The following KLHL13 variants were observed in gnomAD, a reference collection of about 807,000 sequenced individuals.
The protein encoded by KLHL13 is kelch like family member 13.
KLHL13 carries 10 observed loss-of-function variants against 37.1 expected under a neutral mutation model. That is an observed-to-expected ratio of 0.27 (90% CI 0.17 to 0.46). KLHL13 has a LOEUF of 0.46. KLHL13 is among the 20% of genes least tolerant of loss of function. The pLI, the probability that KLHL13 is intolerant of heterozygous loss-of-function variation, is 1.00. For missense variants in KLHL13, 360 were observed against 509.3 expected (o/e 0.71, Z 2.82); for synonymous variants, 163 against 181.2 (o/e 0.90, Z 0.81).
chrX:118,074,275 G>GA (rs760417001), intron 1 of KLHL13, among the ~76,000 whole-genome samples: 14 of 111,882 alleles, frequency 1.3e-4, no homozygotes, highest in African/African-American at 4.2e-4. Context: ...TGTAGGTTGA[G>GA]AAAAAACTGG....
chrX:117,945,528 C>T, exon 2 of KLHL13: 4 of 1,209,367 alleles, frequency 3.3e-6, no homozygotes, highest in Non-Finnish European at 4.5e-6. Flanking sequence ...CATTTCGCTG[C>T]CTCCAAGGGA....
intron 1 of KLHL13, among the ~76,000 whole-genome samples, chrX:117,963,681 C>T (rs1036323676): frequency 5.2e-5 from 5 of 95,752 alleles, no homozygotes; most frequent in Non-Finnish European, 1.0e-4. Context: ...TACAGTCCCA[C>T]CAACAGTGTA....
At chrX:118,079,447 G>T (rs2054965560) in intron 1 of KLHL13, among the ~76,000 whole-genome samples, 1 of 110,783 alleles carries the variant, frequency 9.0e-6, no homozygotes. Context: ...GCAAGATTTT[G>T]GGATACAAAA....
intron 1 of KLHL13, among the ~76,000 whole-genome samples, chrX:117,991,631 C>T (rs1326592745): frequency 9.0e-6 from 1 of 110,628 alleles, no homozygotes; most frequent in African/African-American, 3.3e-5. Context: ...CCCAGATTTG[C>T]ACACAACTAA....
chrX:117,909,576 T>G, exon 5 of KLHL13: 1 of 1,211,888 alleles, frequency 8.3e-7, no homozygotes, highest in Non-Finnish European at 1.1e-6. Context: ...ATGGGCCTTT[T>G]CATCATACAT....
At chrX:118,020,793 C>T (rs1189100745) in intron 1 of KLHL13, among the ~76,000 whole-genome samples, 2 of 109,856 alleles carry the variant, frequency 1.8e-5, no homozygotes, top group Admixed American at 9.7e-5. Flanking sequence ...ACATATACAC[C>T]ATGGAATACT....
intron 1 of KLHL13, among the ~76,000 whole-genome samples, chrX:117,982,430 T>A (rs1298794128): frequency 9.0e-6 from 1 of 111,235 alleles, no homozygotes; most frequent in East Asian, 2.8e-4. Flanking sequence ...CAGATGTACA[T>A]CCAGCAATGT....
intron 2 of KLHL13, among the ~76,000 whole-genome samples, chrX:117,944,640 C>T (rs1183443622): frequency 1.8e-5 from 2 of 111,106 alleles, no homozygotes; most frequent in African/African-American, 6.5e-5. Flanking sequence ...GGCAAATTTT[C>T]CTTATCTTAT....
At chrX:118,076,429 ACCT>A (rs1376082972) in intron 1 of KLHL13, among the ~76,000 whole-genome samples, 2 of 111,348 alleles carry the variant, frequency 1.8e-5, no homozygotes, top group East Asian at 5.6e-4. Flanking sequence ...ATTTAGTTAG[ACCT>A]TTCCAGGAAT....
chrX:118,030,788 C>T (rs1169263301), intron 1 of KLHL13, among the ~76,000 whole-genome samples: 1 of 105,914 alleles, frequency 9.4e-6, no homozygotes, highest in Non-Finnish European at 1.9e-5. Flanking sequence ...CAAGAAGGCC[C>T]TTGTCAGATG....
intron 1 of KLHL13, among the ~76,000 whole-genome samples, chrX:118,000,228 G>A (rs1378597169): frequency 8.9e-6 from 1 of 111,793 alleles, no homozygotes; most frequent in Non-Finnish European, 1.9e-5. Flanking sequence ...GGGAGGACTT[G>A]TCAAGCTAGA....
At chrX:118,052,521 CAA>C (rs34474188) in intron 1 of KLHL13, among the ~76,000 whole-genome samples, 9 of 65,223 alleles carry the variant, frequency 1.4e-4, no homozygotes, top group Admixed American at 3.9e-4. Flanking sequence ...GACTCCGTCT[CAA>C]AAAAAAAAAA....
chrX:118,027,049 C>T (rs2054281748), intron 1 of KLHL13, among the ~76,000 whole-genome samples: 1 of 111,796 alleles, frequency 8.9e-6, no homozygotes, highest in South Asian at 3.7e-4. Flanking sequence ...AGACTGGTCA[C>T]AAGCAAAAGT....
At chrX:117,948,181 G>A (rs752487142) in intron 1 of KLHL13, among the ~76,000 whole-genome samples, 1 of 111,691 alleles carries the variant, frequency 9.0e-6, no homozygotes, top group East Asian at 2.8e-4. Flanking sequence ...AAAAAGTCAA[G>A]TGCCAAAGGT....
intron 1 of KLHL13, among the ~76,000 whole-genome samples, chrX:118,031,451 A>T (rs2148032108): frequency 1.1e-5 from 1 of 91,209 alleles, no homozygotes; most frequent in East Asian, 3.0e-4. Flanking sequence ...TTAGATATAT[A>T]TATAGATATA....
rs780596419 is a variant in KLHL13, at chrX:118,072,407, G to T, written c.-56+44101C>A. ...AGAAAACCTAGGCATTACCATTCAGGACATAGGCATGGGCAAGGACTTCAT... is the reference window on the plus strand; with the variant it reads ...AGAAAACCTAGGCATTACCATTCAGTACATAGGCATGGGCAAGGACTTCAT... On this transcript the variant is annotated intron_variant, in intron 1 of 6. Transcript: ENST00000371882. Among the ~76,000 whole-genome samples the T allele has an allele frequency of 7.1e-5, 8 of 112,293 alleles. No homozygotes were observed. In the East Asian group the frequency reaches 2.0e-3, roughly 28 times the overall value.
chrX:118,116,993 C>G (rs2055480880), upstream of KLHL13: 1 of 112,531 alleles, frequency 8.9e-6, no homozygotes, highest in African/African-American at 3.2e-5. Flanking sequence ...AACTCCCAGG[C>G]TGTAGCGAAA....
chrX:118,060,533 G>A (rs770995576), intron 1 of KLHL13, among the ~76,000 whole-genome samples: 36 of 110,589 alleles, frequency 3.3e-4, no homozygotes, highest in African/African-American at 9.9e-4. Flanking sequence ...ATTCTTCCAC[G>A]TACCAGACAC....
chrX:117,919,434 C>T, intron 4 of KLHL13, 87 bp downstream of exon 5: 1 of 754,377 alleles, frequency 1.3e-6, no homozygotes, highest in Non-Finnish European at 2.0e-6. Context: ...TGGCAAGTTT[C>T]ACATTCCTGC....
Sources: gnomAD v4.1 joint callset for allele counts (sites outside exome capture counted in the v4.1 genomes callset) on GRCh38, gnomAD v4.1.1 for gene constraint, MANE v1.5 for transcripts, NCBI Gene and HGNC (gene_info 2026-07-23, HGNC 2026-07-21) for gene names.